RUBCN: variants seen among roughly 807,000 people sequenced by gnomAD.
RUBCN encodes the protein rubicon autophagy regulator.
RUBCN carries 74 observed loss-of-function variants against 113.2 expected under a neutral mutation model. The observed-to-expected ratio is 0.65, with a 90% confidence interval of 0.54 to 0.79. RUBCN has a LOEUF of 0.79. RUBCN is among the 30% of genes least tolerant of loss of function. The pLI is 0.00. For synonymous variants in RUBCN, 480 were observed against 490.0 expected, an observed-to-expected ratio of 0.98 and a Z score of 0.27; for missense variants, 1,109 against 1,251.7, an observed-to-expected ratio of 0.89 and a Z score of 1.72.
intron 1 of RUBCN, among the ~76,000 whole-genome samples, chr3:197,731,212 C>A (rs1727422241): frequency 6.6e-6 from 1 of 152,008 alleles, no homozygotes; most frequent in South Asian, 2.1e-4. Context: ...GAGCATGCTG[C>A]CTTCAAGCAT....
intron 1 of RUBCN, among the ~76,000 whole-genome samples, chr3:197,726,440 G>A (rs1726763968): frequency 6.6e-6 from 1 of 151,784 alleles, no homozygotes; most frequent in South Asian, 2.1e-4. Context: ...TAGAGACGGG[G>A]TTTCACTGTG....
chr3:197,717,912 C>T, intron 2 of RUBCN, 65 bp downstream of exon 2: 1 of 1,590,898 alleles, frequency 6.3e-7, no homozygotes, highest in Non-Finnish European at 8.6e-7. Flanking sequence ...TCCTCCCTGC[C>T]AATGCGACTG....
At position 197,681,225 on chromosome 3, in the gene RUBCN, C is replaced by T; in HGVS notation, c.2334G>A (p.Lys778=). 1 of 1,614,116 alleles carries T rather than the reference C, an allele frequency of 6.2e-7. No individual in the cohort carries two copies. Among genetic ancestry groups the T allele is most frequent in the Non-Finnish European group, 8.5e-7 (1 of 1,179,996 alleles). Residue 778 remains lysine (K), a synonymous_variant, in exon 16 of 20, where the codon AAG becomes AAA. Transcript: ENST00000296343. The surrounding 1 kb of genome is among the most constrained non-coding windows in gnomAD (Gnocchi z 5.5). ...CATTCCAGATCTTAATGAGCAGGTC[C>T]TTGGAGAAGTTGCTGACGTAGTACT... ...FSKYYVSNFS[K]DLLIKIWNDP...
intron 11 of RUBCN, among the ~76,000 whole-genome samples, chr3:197,689,083 T>C (rs1580199947): frequency 1.3e-5 from 2 of 151,722 alleles, no homozygotes; most frequent in East Asian, 1.9e-4. Flanking sequence ...TGAAGTGCAG[T>C]GGCATGATCA....
rs898080923 is a variant in RUBCN, at chr3:197,674,215, G to A, written c.*803C>T. ...AAGAGGGGGCCGACCGCTCCTCTGA[G>A]TAAGCGCTCCTTCAGCGACAGAGCT... On this transcript the variant is annotated 3_prime_UTR_variant, in exon 20 of 20. Transcript: ENST00000296343. 42 of 153,476 alleles carry A rather than the reference G, an allele frequency of 2.7e-4. No individual in the cohort carries two copies. Among genetic ancestry groups the A allele is most frequent in the Non-Finnish European group, 2.0e-4 (14 of 68,608 alleles). The allele number at this position is 153,476 out of a possible 1,614,324, so 9.5% of individuals were successfully genotyped here.
At chr3:197,719,495 A>AAT (rs1725910480) in intron 1 of RUBCN, among the ~76,000 whole-genome samples, 1 of 151,602 alleles carries the variant, frequency 6.6e-6, no homozygotes, top group Non-Finnish European at 1.5e-5. Flanking sequence ...AAAAAAAAAA[A>AAT]AAAGAACATG....
chr3:197,712,817 A>G (rs1286899403), intron 2 of RUBCN, among the ~76,000 whole-genome samples: 1 of 152,112 alleles, frequency 6.6e-6, no homozygotes, highest in Non-Finnish European at 1.5e-5. Context: ...ATATGCTTTG[A>G]TATTTTTCAT....
upstream of RUBCN, among the ~76,000 whole-genome samples, chr3:197,740,423 C>G (rs543299950): frequency 6.6e-6 from 1 of 151,508 alleles, no homozygotes; most frequent in South Asian, 2.1e-4. Flanking sequence ...GAGCTGAGGT[C>G]ATGCCATTGC....
rs770528289 is a variant in RUBCN at position 197,701,808 on chromosome 3, G to A, written c.627C>T (p.Ala209=). The A allele has an allele frequency of 2.5e-6, 4 of 1,614,170 alleles. No homozygotes were observed. Among genetic ancestry groups the A allele is most frequent in the East Asian group, 4.5e-5 (2 of 44,882 alleles). The change falls in exon 6 of 20, where the codon GCC becomes GCT. Residue 209 remains alanine, a synonymous_variant. Coordinates refer to ENST00000296343, the MANE Select transcript of RUBCN (RefSeq NM_014687.4). ...LLVTKSQSLT[A]LPSSTYTPPN... ...GAGGGGTGTATGTGGAACTGGGCAGGGCTGTCAGGCTCTGGCTCTTTGTCA... is the reference window on the plus strand; with the variant it reads ...GAGGGGTGTATGTGGAACTGGGCAGAGCTGTCAGGCTCTGGCTCTTTGTCA...
rs1382086021 is a variant in RUBCN, at chr3:197,674,754, T to C, written c.*264A>G. On this transcript the variant is annotated 3_prime_UTR_variant, in exon 20 of 20. Coordinates refer to ENST00000296343, the MANE Select transcript of RUBCN (RefSeq NM_014687.4). ...TTCCACTGACAGAGGCACTAGAAGC[T>C]TCACTGAAGGACCCGCATGTCAGTT... 4.0e-6 allele frequency: 2 copies of C among 503,926 alleles called. No individual in the cohort carries two copies. The highest frequency in any genetic ancestry group is 7.0e-5 in the East Asian group (2 of 28,602). 31.2% of individuals were successfully genotyped at this position (503,926 alleles called of 1,614,324 possible). A position where few individuals can be genotyped will look rare whatever the true frequency, so the allele number is the denominator to read the frequency against.
At chr3:197,699,446 T>C (rs1723392915) in intron 7 of RUBCN, among the ~76,000 whole-genome samples, 2 of 152,214 alleles carry the variant, frequency 1.3e-5, no homozygotes, top group Admixed American at 1.3e-4. Flanking sequence ...GGCTCCCTTT[T>C]TCCAAGGCAG....
chr3:197,685,761 C>T (rs1280315594), intron 11 of RUBCN, among the ~76,000 whole-genome samples: 1 of 152,178 alleles, frequency 6.6e-6, no homozygotes, highest in East Asian at 1.9e-4. Context: ...GGAATCTGTG[C>T]CACAAAACCC....
intron 5 of RUBCN, 71 bp from the exon 6 acceptor site, chr3:197,701,935 A>G: frequency 1.4e-6 from 2 of 1,412,960 alleles, no homozygotes; most frequent in Non-Finnish European, 2.0e-6. Flanking sequence ...GGGGCAACGC[A>G]GTACTGCAGA....
rs1229705412 is a variant in RUBCN at position 197,674,885 on chromosome 3, A to AC, written c.*132_*133insG. On this transcript the variant is annotated 3_prime_UTR_variant, in exon 20 of 20. Coordinates refer to ENST00000296343, the MANE Select transcript of RUBCN (RefSeq NM_014687.4). Reference sequence around the variant, plus strand: ...ACAGACGTCAGACAAGTCAGTAAAAAAAAAAAAAAAGATGATGATAATTAA... The same window carrying AC: ...ACAGACGTCAGACAAGTCAGTAAAAACAAAAAAAAAAGATGATGATAATTAA... The AC allele has an allele frequency of 5.4e-6, 4 of 747,114 alleles. No homozygotes were observed. In the East Asian group the frequency reaches 1.2e-4, roughly 22 times the overall value. The allele number at this position is 747,114 out of a possible 1,614,324, so 46.3% of individuals were successfully genotyped here. A position where few individuals can be genotyped will look rare whatever the true frequency, so the allele number is the denominator to read the frequency against.
intron 1 of RUBCN, among the ~76,000 whole-genome samples, chr3:197,734,044 T>C (rs1259626698): frequency 2.0e-5 from 3 of 151,892 alleles, no homozygotes; most frequent in Admixed American, 2.0e-4. Flanking sequence ...TCCTCTGAGG[T>C]CAGGAGTTTG....
chr3:197,702,188 G>C (rs1723753671), intron 5 of RUBCN, among the ~76,000 whole-genome samples: 1 of 152,182 alleles, frequency 6.6e-6, no homozygotes. Flanking sequence ...ACACTTATCA[G>C]CTATTTGATC....
At chr3:197,729,639 A>C (rs534059773) in intron 1 of RUBCN, among the ~76,000 whole-genome samples, 18 of 151,978 alleles carry the variant, frequency 1.2e-4, no homozygotes, top group African/African-American at 4.1e-4. Context: ...GCTCACTGCA[A>C]CCTCCGCCTA....
intron 3 of RUBCN, 102 bp from the exon 4 acceptor site, chr3:197,704,803 G>A (rs1391462181): frequency 8.8e-6 from 11 of 1,243,890 alleles, no homozygotes; most frequent in Non-Finnish European, 1.3e-5. Flanking sequence ...TAAGGGAAAT[G>A]CTTTGAAAGG....
intron 16 of RUBCN, among the ~76,000 whole-genome samples, chr3:197,678,290 T>TCTAA (rs1720707811): frequency 6.7e-6 from 1 of 148,242 alleles, no homozygotes; most frequent in African/African-American, 2.5e-5. Flanking sequence ...TGTCCTATGC[T>TCTAA]CTGACAACTG....
Sources: gnomAD v4.1 joint callset for allele counts (sites outside exome capture counted in the v4.1 genomes callset) on GRCh38, gnomAD v4.1.1 for gene constraint, Gnocchi (gnomAD v3.1) non-coding constraint, MANE v1.5 for transcripts, NCBI Gene and HGNC (gene_info 2026-07-23, HGNC 2026-07-21) for gene names.